SLC22A3: variants seen among roughly 807,000 people sequenced by gnomAD.
The protein encoded by SLC22A3 is EMT organic cation transporter 3.
SLC22A3 carries 51 observed loss-of-function variants against 59.1 expected under a neutral mutation model. The ratio of observed to expected loss-of-function variants is 0.86; its 90% CI spans 0.69 to 1.09. The LOEUF (loss-of-function observed/expected upper bound fraction) is 1.09. SLC22A3 is among the 50% of genes least tolerant of loss of function. The probability of loss-of-function intolerance (pLI) is 0.00; values close to 1 mark genes in which losing one functional copy is unlikely to be tolerated. For synonymous variants in SLC22A3, 325 were observed against 292.0 expected (o/e 1.11, Z -1.15); for missense variants, 711 against 726.3 (o/e 0.98, Z 0.24).
intron 1 of SLC22A3, among the ~76,000 whole-genome samples, chr6:160,358,775 T>C (rs1348468826): frequency 2.0e-5 from 3 of 152,250 alleles, no homozygotes; most frequent in Non-Finnish European, 2.9e-5. Flanking sequence ...TCCCCTTGCC[T>C]GGTCTAGTCT....
chr6:160,419,742 A>G (rs1787651586), intron 5 of SLC22A3, among the ~76,000 whole-genome samples: 1 of 152,198 alleles, frequency 6.6e-6, no homozygotes, highest in Non-Finnish European at 1.5e-5. Flanking sequence ...AATGACTCAT[A>G]AAAATGGTAA....
chr6:160,380,430 T>C (rs1245693313), intron 1 of SLC22A3, among the ~76,000 whole-genome samples: 2 of 152,116 alleles, frequency 1.3e-5, no homozygotes, highest in Non-Finnish European at 2.9e-5. Context: ...ATTATGATCA[T>C]ATATACAATG....
chr6:160,357,888 T>C (rs1784894581), intron 1 of SLC22A3, among the ~76,000 whole-genome samples: 1 of 152,206 alleles, frequency 6.6e-6, no homozygotes, highest in Non-Finnish European at 1.5e-5. Flanking sequence ...GTGTGGCAGT[T>C]AGTGGGAAAT....
intron 1 of SLC22A3, among the ~76,000 whole-genome samples, chr6:160,391,877 C>T (rs1016829882): frequency 1.3e-5 from 2 of 152,150 alleles, no homozygotes; most frequent in South Asian, 2.1e-4. Flanking sequence ...CCCAATTTCA[C>T]AAGTTTAGAA....
intron 5 of SLC22A3, among the ~76,000 whole-genome samples, chr6:160,421,979 C>T (rs1204579149): frequency 6.6e-6 from 1 of 152,352 alleles, no homozygotes; most frequent in East Asian, 1.9e-4. Context: ...AAATACTCCT[C>T]TCTGTGAACG....
intron 1 of SLC22A3, among the ~76,000 whole-genome samples, chr6:160,357,159 G>C (rs1473678406): frequency 6.6e-6 from 1 of 152,206 alleles, no homozygotes; most frequent in Non-Finnish European, 1.5e-5. Context: ...GCCTGGACCT[G>C]AGAAACAAAG....
At chr6:160,445,578 C>T (rs893824907) in intron 9 of SLC22A3, among the ~76,000 whole-genome samples, 3 of 152,044 alleles carry the variant, frequency 2.0e-5, no homozygotes, top group African/African-American at 7.2e-5. Context: ...GTTGGAGGGA[C>T]GATGTTGGGG....
chr6:160,400,491 T>TAG (rs1356480687), intron 2 of SLC22A3, among the ~76,000 whole-genome samples: 1 of 152,052 alleles, frequency 6.6e-6, no homozygotes, highest in Non-Finnish European at 1.5e-5. Flanking sequence ...TTTAGAGACA[T>TAG]AGGTTCACTA....
chr6:160,444,060 T>G (rs371893633), intron 9 of SLC22A3, among the ~76,000 whole-genome samples: 1 of 152,174 alleles, frequency 6.6e-6, no homozygotes, highest in Non-Finnish European at 1.5e-5. Flanking sequence ...TAACCAATAA[T>G]TTTCAGGGGA....
chr6:160,419,523 C>T (rs1306524331), intron 5 of SLC22A3, among the ~76,000 whole-genome samples: 1 of 152,132 alleles, frequency 6.6e-6, no homozygotes. Context: ...ATCCAGATAA[C>T]ATAGTTTAGG....
chr6:160,381,834 C>T (rs964150176), intron 1 of SLC22A3, among the ~76,000 whole-genome samples: 1 of 152,080 alleles, frequency 6.6e-6, no homozygotes, highest in African/African-American at 2.4e-5. Flanking sequence ...TCTGAGATTC[C>T]AGCATCACAT....
intron 5 of SLC22A3, among the ~76,000 whole-genome samples, chr6:160,418,410 C>G (rs548593461): frequency 4.4e-4 from 67 of 152,322 alleles, no homozygotes; most frequent in African/African-American, 1.6e-3. Flanking sequence ...GGCTTTTGGA[C>G]TCAGACTGAG....
intron 2 of SLC22A3, among the ~76,000 whole-genome samples, chr6:160,400,625 G>GA (rs1486948057): frequency 6.7e-6 from 1 of 149,064 alleles, no homozygotes; most frequent in Non-Finnish European, 1.5e-5. Flanking sequence ...CACCTATCAA[G>GA]AAAAAATTAC....
At chr6:160,447,669 G>A (rs2457574) in intron 9 of SLC22A3, 50 bp from the exon 10 acceptor site, 648,501 of 1,516,592 alleles carry the variant, frequency 0.43, 143,799 homozygotes, top group South Asian at 0.6. Context: ...CATGGGAGAG[G>A]GCCCAGCTGT....
At chr6:160,447,558 T>C (rs1788791300) in intron 9 of SLC22A3, among the ~76,000 whole-genome samples, 161 bp from the exon 10 acceptor site, 1 of 152,034 alleles carries the variant, frequency 6.6e-6, no homozygotes, top group Non-Finnish European at 1.5e-5. Context: ...CCTTTGAAGC[T>C]GTGGTAAGGG....
At chr6:160,378,077 C>T (rs189012777) in intron 1 of SLC22A3, among the ~76,000 whole-genome samples, 2 of 152,052 alleles carry the variant, frequency 1.3e-5, no homozygotes, top group Middle Eastern at 3.2e-3. Context: ...ACAAGAAAGC[C>T]CCAGCCTTCA....
chr6:160,370,998 C>A (rs1785379239), intron 1 of SLC22A3, among the ~76,000 whole-genome samples: 1 of 152,160 alleles, frequency 6.6e-6, no homozygotes, highest in Non-Finnish European at 1.5e-5. Context: ...CAGCTTACCT[C>A]CTCTCCCTCC....
At chr6:160,357,344 T>G (rs572433012) in intron 1 of SLC22A3, among the ~76,000 whole-genome samples, 124 of 152,298 alleles carry the variant, frequency 8.1e-4, no homozygotes, top group Non-Finnish European at 8.2e-4. Context: ...TCCCAGTTGC[T>G]GCGTCCACCT....
chr6:160,409,110 C>T (rs555607262), intron 4 of SLC22A3, among the ~76,000 whole-genome samples, 189 bp downstream of exon 4: 4 of 126,084 alleles, frequency 3.2e-5, no homozygotes, highest in Non-Finnish European at 6.5e-5. Flanking sequence ...CACGCTGGTG[C>T]GCTGCACCCA....
Sources: gnomAD v4.1 joint callset for allele counts (sites outside exome capture counted in the v4.1 genomes callset) on GRCh38, gnomAD v4.1.1 for gene constraint, MANE v1.5 for transcripts, NCBI Gene and HGNC (gene_info 2026-07-23, HGNC 2026-07-21) for gene names.